CMYA5: variants seen among roughly 807,000 people sequenced by gnomAD.
CMYA5 encodes the protein cardiomyopathy associated 5, also known as cardiomyopathy-associated protein 5.
A neutral mutation model predicts 318.9 loss-of-function variants in CMYA5; 246 were observed. The observed-to-expected ratio is 0.77, with a 90% confidence interval of 0.70 to 0.86. The LOEUF (loss-of-function observed/expected upper bound fraction) is 0.86. Among genes scored for constraint, CMYA5 ranks in the 40% least tolerant of loss-of-function variants. The pLI is 0.00. For synonymous variants in CMYA5, 1,641 were observed against 1,729.5 expected, an observed-to-expected ratio of 0.95 and a Z score of 1.27; for missense variants, 4,589 against 4,678.2, an observed-to-expected ratio of 0.98 and a Z score of 0.56.
intron 12 of CMYA5, among the ~76,000 whole-genome samples, chr5:79,794,621 T>C (rs1829243712): frequency 1.3e-5 from 2 of 152,178 alleles, no homozygotes; most frequent in South Asian, 4.1e-4. Flanking sequence ...TGTGGGGCTG[T>C]GAGGATCACA....
intron 1 of CMYA5, among the ~76,000 whole-genome samples, chr5:79,723,776 GA>G (rs112255186): frequency 7.2e-4 from 85 of 118,330 alleles, no homozygotes; most frequent in African/African-American, 9.7e-4. Flanking sequence ...ACAAAACAAT[GA>G]AAAAAAAAAA....
rs1406248583 is a variant in CMYA5, at chr5:79,730,825, G to T, written c.2060G>T (p.Ser687Ile). 1 of 1,613,824 alleles carries T rather than the reference G, an allele frequency of 6.2e-7. No homozygotes were observed. The highest frequency in any genetic ancestry group is 8.5e-7 in the Non-Finnish European group (1 of 1,179,868). ...CTATCAGGAGACGAGGCCTCAGAAAGTGGGTGTTACACACCAGACTCCACA... is the reference window on the plus strand; with the variant it reads ...CTATCAGGAGACGAGGCCTCAGAAATTGGGTGTTACACACCAGACTCCACA... ...MVLSGDEASE[S>I]GCYTPDSTSA... Residue 687 changes from serine (S) to isoleucine (I), a missense_variant, in exon 2 of 13, where the codon AGT becomes ATT. Physicochemically the swap from Ser to Ile is moderately radical, Grantham distance 142. This residue lies in a region of CMYA5 where 2,132 missense variants were observed against 2,131.3 expected (regional missense o/e 1.00). Coordinates refer to ENST00000446378, the MANE Select transcript of CMYA5 (RefSeq NM_153610.5).
At chr5:79,703,013 A>G (rs1827202334) in intron 1 of CMYA5, among the ~76,000 whole-genome samples, 1 of 152,232 alleles carries the variant, frequency 6.6e-6, no homozygotes. Flanking sequence ...TGGTGCTGTC[A>G]GCTCTGTCTC....
intron 1 of CMYA5, among the ~76,000 whole-genome samples, chr5:79,725,986 TAGA>T (rs1358914191): frequency 1.6e-4 from 24 of 152,238 alleles, no homozygotes; most frequent in African/African-American, 5.3e-4. Flanking sequence ...TTGAATTTCT[TAGA>T]AGAAGGTTCT....
At chr5:79,747,778 G>A (rs920030410) in intron 5 of CMYA5, among the ~76,000 whole-genome samples, 5 of 152,024 alleles carry the variant, frequency 3.3e-5, no homozygotes, top group African/African-American at 1.2e-4. Flanking sequence ...TCTTCCTTTT[G>A]CCCCATAGCA....
In CMYA5 at chr5:79,692,556, A is replaced by G. The variant is rs1434156380; in HGVS notation, c.149+2500A>G. Among the ~76,000 whole-genome samples the G allele has an allele frequency of 2.6e-5, 4 of 152,338 alleles. No homozygotes were observed. The South Asian group carries it at 8.3e-4, about 32-fold the overall frequency. Reference sequence around the variant, plus strand: ...TGATATGAATGTGACATGTAACATCAAGAGGCCTGTGAATCCTATTAGTTG... The same window carrying G: ...TGATATGAATGTGACATGTAACATCGAGAGGCCTGTGAATCCTATTAGTTG... On this transcript the variant is annotated intron_variant, in intron 1 of 12. Coordinates refer to ENST00000446378, the MANE Select transcript of CMYA5 (RefSeq NM_153610.5).
intron 1 of CMYA5, among the ~76,000 whole-genome samples, chr5:79,727,678 G>C (rs1325766474): frequency 4.6e-5 from 7 of 152,206 alleles, no homozygotes; most frequent in African/African-American, 1.7e-4. Context: ...CCAGCCTTAA[G>C]GAGTAGGTAG....
chr5:79,745,498 C>T, intron 4 of CMYA5, 43 bp downstream of exon 4: 1 of 1,201,414 alleles, frequency 8.3e-7, no homozygotes, highest in Admixed American at 1.8e-5. Flanking sequence ...TGCGCCCACT[C>T]TGGCACATCT....
Position 79,730,744 on chromosome 5 carries a change from A to C in CMYA5, c.1979A>C (p.Lys660Thr). The C allele has an allele frequency of 6.2e-7, 1 of 1,613,982 alleles. No individual in the cohort carries two copies. The highest frequency in any genetic ancestry group is 2.2e-5 in the East Asian group (1 of 44,878). The change falls in exon 2 of 13, where the codon AAG becomes ACG. Residue 660 changes from lysine to threonine, a missense_variant. Around this residue, in one of 3 missense-constraint regions of CMYA5, gnomAD observed 2,132 missense variants for 2,131.3 expected, o/e 1.00. Transcript: ENST00000446378. ...ESSLSPSTTE[K>T]TSENQSPLFS... ...TCTCTCTCACCATCCACAACTGAGAAGACTTCAGAGAACCAGTCTCCACTG... is the reference window on the plus strand; with the variant it reads ...TCTCTCTCACCATCCACAACTGAGACGACTTCAGAGAACCAGTCTCCACTG...
chr5:79,735,889 T>C lies in CMYA5; in HGVS notation c.7124T>C (p.Leu2375Pro). ...AGAAGTGATCAAAAACAAAAATCAC[T>C]CCTTTCATTTGATGTAGTAGATAAG... Reference protein sequence around the residue: ...EPRSDQKQKSLLSFDVVDKVP... With the variant: ...EPRSDQKQKSPLSFDVVDKVP... The change falls in exon 2 of 13, where the codon CTC (leucine) becomes CCC (proline). Residue 2375 changes from leucine (L) to proline (P), a missense_variant. Around this residue, in one of 3 missense-constraint regions of CMYA5, gnomAD observed 2,431 missense variants for 2,495.1 expected, o/e 0.97. Transcript: ENST00000446378. 1 of 1,582,112 alleles carries C rather than the reference T, an allele frequency of 6.3e-7. No homozygotes were observed. Among genetic ancestry groups the C allele is most frequent in the Non-Finnish European group, 8.5e-7 (1 of 1,170,514 alleles).
At position 79,733,019 on chromosome 5, in the gene CMYA5, G is replaced by A. The variant is rs748180369; in HGVS notation, c.4254G>A (p.Lys1418=). 2.5e-6 allele frequency: 4 copies of A among 1,613,258 alleles called. No homozygotes were observed. The highest frequency in any genetic ancestry group is 1.3e-5 in the African/African-American group (1 of 74,920). Residue 1418 remains lysine, a synonymous_variant, in exon 2 of 13, where the codon AAG becomes AAA. Coordinates refer to ENST00000446378, the MANE Select transcript of CMYA5 (RefSeq NM_153610.5). ...ATTCAGTTCTTGCAGAAGAAGACAA[G>A]GTGGCAATTAAAGGTGCTTCTCCCA... ...DEHSVLAEED[K]VAIKGASPIE... is the part of the protein sequence containing the mutation.
rs769699893 is a variant in CMYA5 at position 79,733,140 on chromosome 5, G to C, written c.4375G>C (p.Val1459Leu). The C allele has an allele frequency of 6.2e-7, 1 of 1,613,816 alleles. No individual in the cohort carries two copies. Residue 1459 changes from valine to leucine, a missense_variant, in exon 2 of 13, where the codon GTT (valine) becomes CTT (leucine). Transcript: ENST00000446378. ...PSVSSIAEHS[V>L]LSEVEAKEVK... ...TGTCTCCTCTATAGCAGAGCATTCT[G>C]TTTTGTCAGAAGTAGAAGCCAAAGA... is the stretch of plus-strand genomic sequence containing the variant.
chr5:79,799,274 T>G lies in CMYA5; in HGVS notation c.11964-96T>G, dbSNP rs1829328284. 7.1e-6 allele frequency: 9 copies of G among 1,266,878 alleles called. No homozygotes were observed. In the South Asian group the frequency reaches 1.4e-4, roughly 19 times the overall value. The allele number at this position is 1,266,878 out of a possible 1,614,324, so 78.5% of individuals were successfully genotyped here. ...TGCAACTCCTTATTGTGAAGTGGAG[T>G]TAATAACTGAAGAATTGGTTATTCC... is the stretch of plus-strand genomic sequence containing the variant. On this transcript the variant is annotated intron_variant, in intron 12 of 12. Coordinates refer to ENST00000446378, the MANE Select transcript of CMYA5 (RefSeq NM_153610.5).
chr5:79,726,251 T>A (rs1178450251), intron 1 of CMYA5, among the ~76,000 whole-genome samples: 1 of 152,198 alleles, frequency 6.6e-6, no homozygotes, highest in Non-Finnish European at 1.5e-5. Flanking sequence ...TAAATTGAAC[T>A]TATAATTGAA....
chr5:79,743,975 G>A (rs1005375402), intron 3 of CMYA5, 53 bp downstream of exon 3: 8 of 892,826 alleles, frequency 9.0e-6, no homozygotes, highest in South Asian at 8.8e-5. Context: ...AGTATCAGAA[G>A]TAAATGATTC....
rs185944307 is a variant in CMYA5 at position 79,773,300 on chromosome 5, A to C, written c.11555+10091A>C. 2.6e-5 allele frequency among the ~76,000 whole-genome samples: 4 copies of C among 152,340 alleles called. No individual in the cohort carries two copies. In the East Asian group the frequency reaches 7.7e-4, roughly 29 times the overall value. ...AAAAGTTAGTCTAGCTTTGAGGATA[A>C]TCTCTTATTTAAAATGAGGAAAAAA... On this transcript the variant is annotated intron_variant, in intron 9 of 12. Transcript: ENST00000446378.
chr5:79,698,011 A>G (rs1827103582), intron 1 of CMYA5, among the ~76,000 whole-genome samples: 1 of 152,202 alleles, frequency 6.6e-6, no homozygotes, highest in South Asian at 2.1e-4. Context: ...GTAGCACCCA[A>G]ATAACTTCCT....
rs1313453180 is a variant in CMYA5 at position 79,705,145 on chromosome 5, G to A, written c.149+15089G>A. ...AAATTAACCAGGCGTGGTGGCGCAC[G>A]CCTGTAGTCCCAGCTACTCAGGAGG... is the stretch of plus-strand genomic sequence containing the variant. On this transcript the variant is annotated intron_variant, in intron 1 of 12. Coordinates refer to ENST00000446378, the MANE Select transcript of CMYA5 (RefSeq NM_153610.5). 1.2e-4 allele frequency among the ~76,000 whole-genome samples: 18 copies of A among 152,210 alleles called. No homozygotes were observed. In the East Asian group the frequency reaches 1.5e-3, roughly 13 times the overall value.
At chr5:79,769,772 A>G (rs1382654535) in intron 9 of CMYA5, among the ~76,000 whole-genome samples, 2 of 152,190 alleles carry the variant, frequency 1.3e-5, no homozygotes, top group Non-Finnish European at 2.9e-5. Context: ...GTCAGGAGGC[A>G]TGGGGGTCAG....
Sources: gnomAD v4.1 joint callset for allele counts (sites outside exome capture counted in the v4.1 genomes callset) on GRCh38, gnomAD v4.1.1 for gene constraint, gnomAD v4.1.1 regional missense constraint, MANE v1.5 for transcripts, NCBI Gene and HGNC (gene_info 2026-07-23, HGNC 2026-07-21) for gene names.